The following DDX21 variants were observed in gnomAD, a reference collection of about 807,000 sequenced individuals.
DDX21 encodes the protein DExD-box helicase 21.
DDX21 carries 18 observed loss-of-function variants against 90.0 expected under a neutral mutation model. The observed-to-expected ratio is 0.20, with a 90% CI of 0.14 to 0.30. DDX21 has a LOEUF of 0.30. Among genes scored for constraint, DDX21 ranks in the 10% least tolerant of loss-of-function variants. The probability of loss-of-function intolerance (pLI) is 1.00; values close to 1 mark genes in which losing one functional copy is unlikely to be tolerated. For missense variants in DDX21, 673 were observed against 944.5 expected (o/e 0.71, Z 3.77); for synonymous variants, 294 against 318.0 (o/e 0.92, Z 0.80).
intron 11 of DDX21, among the ~76,000 whole-genome samples, chr10:68,974,968 A>T (rs182141908): frequency 3.9e-4 from 59 of 152,088 alleles, no homozygotes; most frequent in African/African-American, 1.3e-3. Context: ...TGCACAGCCT[A>T]TTCTTTTTAA....
chr10:68,977,395 TATA>T (rs370558669), intron 11 of DDX21, 131 bp from the exon 12 acceptor site: 69 of 790,062 alleles, frequency 8.7e-5, no homozygotes, highest in South Asian at 5.1e-4. Context: ...ATATGATTAT[TATA>T]TACTGCATCA....
At position 68,971,929 on chromosome 10, in the gene DDX21, A is replaced by T; in HGVS notation, c.1425A>T (p.Gln475His). The T allele has an allele frequency of 6.2e-7, 1 of 1,614,182 alleles. No homozygotes were observed. Among genetic ancestry groups the T allele is most frequent in the Non-Finnish European group, 8.5e-7 (1 of 1,180,026 alleles). The change falls in exon 9 of 15, where the codon CAA (glutamine) becomes CAT (histidine). Residue 475 changes from glutamine (Q) to histidine (H), a missense_variant. Transcript: ENST00000354185. The stretch of plus-strand genomic sequence containing the variant: ...TGCATGGAGACATTCCACAGAAGCA[A>T]AGGGAAATCACCCTGAAAGGTTTTA... ...QSLHGDIPQK[Q>H]REITLKGFRN...
rs763732983 is a variant in DDX21 at position 68,973,548 on chromosome 10, G to A, written c.1552G>A (p.Val518Ile). The A allele has an allele frequency of 2.2e-5, 35 of 1,614,058 alleles. No homozygotes were observed. The highest frequency in any genetic ancestry group is 3.0e-5 in the Non-Finnish European group (35 of 1,179,948). The change falls in exon 10 of 15, where the codon GTA becomes ATA. Residue 518 changes from valine to isoleucine, a missense_variant. Physicochemically the swap from Val to Ile is conservative, Grantham distance 29 (BLOSUM62 3). Coordinates refer to ENST00000354185, the MANE Select transcript of DDX21 (RefSeq NM_004728.4). The stretch of plus-strand genomic sequence containing the variant: ...CTCATGTATTTTACTTCAATAGGAT[G>A]TAGAGTCCTACATTCATCGATCCGG... The part of the protein sequence containing the change: ...LVIQSSPPKD[V>I]ESYIHRSGRT...
intron 1 of DDX21, among the ~76,000 whole-genome samples, chr10:68,957,334 G>A (rs1842812160): frequency 6.6e-6 from 1 of 151,346 alleles, no homozygotes; most frequent in South Asian, 2.1e-4. Flanking sequence ...GTGTGCAGTA[G>A]TTTTAACCTT....
At chr10:68,968,920 C>T in intron 6 of DDX21, 56 bp from the exon 7 acceptor site, 5 of 1,582,448 alleles carry the variant, frequency 3.2e-6, no homozygotes, top group Non-Finnish European at 4.3e-6. Flanking sequence ...AGGTGGAATA[C>T]TATGTAGGCT....
chr10:68,978,697 G>A, intron 12 of DDX21, 145 bp from the exon 13 acceptor site: 1 of 1,031,324 alleles, frequency 9.7e-7, no homozygotes, highest in Non-Finnish European at 1.4e-6. Context: ...GTAAAACGAG[G>A]GACTGTTCGT....
At chr10:68,976,427 A>G (rs1375974062) in intron 11 of DDX21, among the ~76,000 whole-genome samples, 1 of 151,866 alleles carries the variant, frequency 6.6e-6, no homozygotes, top group Non-Finnish European at 1.5e-5. Context: ...AGCTGGGACT[A>G]CAGGCACCTG....
Position 68,984,229 on chromosome 10 carries a change from A to G in DDX21, c.*1417A>G, listed in dbSNP as rs918740833. 3 of 152,190 alleles carry G rather than the reference A, an allele frequency of 2.0e-5. No homozygotes were observed. Among genetic ancestry groups the G allele is most frequent in the African/African-American group, 7.2e-5 (3 of 41,432 alleles). The allele number at this position is 152,190 out of a possible 1,614,324, so 9.4% of individuals were successfully genotyped here. On this transcript the variant is annotated 3_prime_UTR_variant, in exon 15 of 15. Transcript: ENST00000354185. ...GCATGGTCTGTCTTGTTTTCATTTA[A>G]TTATTGTGAATACCTAGAATCTTTC...
Position 68,967,034 on chromosome 10 carries a change from T to C in DDX21, c.921T>C (p.Asn307=). The change falls in exon 6 of 15, where the codon AAT becomes AAC. Residue 307 remains asparagine (N), a synonymous_variant. Coordinates refer to ENST00000354185, the MANE Select transcript of DDX21 (RefSeq NM_004728.4). ...PYGGQFERMR[N]GIDILVGTPG... is the part of the protein sequence containing the mutation. ...TTTTTATAGTTGAACGCATGAGGAA[T>C]GGGATTGATATCCTGGTTGGAACAC... is the stretch of plus-strand genomic sequence containing the variant. 6.2e-7 allele frequency: 1 copy of C among 1,610,226 alleles called. No individual in the cohort carries two copies. Among genetic ancestry groups the C allele is most frequent in the Non-Finnish European group, 8.5e-7 (1 of 1,178,228 alleles).
In DDX21 at chr10:68,977,650, A is replaced by C; in HGVS notation, c.1864A>C (p.Thr622Pro). Residue 622 changes from threonine to proline, a missense_variant, in exon 12 of 15, where the codon ACG becomes CCG. Coordinates refer to ENST00000354185, the MANE Select transcript of DDX21 (RefSeq NM_004728.4). ...AAALAHISGA[T>P]SVDQRSLINS... is the part of the protein sequence containing the mutation. ...AGCACTGGCCCATATTTCAGGTGCC[A>C]CGTCCGTAGACCAGCGCTCCTTGAT... The C allele has an allele frequency of 6.2e-7, 1 of 1,613,644 alleles. No homozygotes were observed. The highest frequency in any genetic ancestry group is 8.5e-7 in the Non-Finnish European group (1 of 1,179,618).
At chr10:68,964,621 C>T (rs192389980) in intron 4 of DDX21, among the ~76,000 whole-genome samples, 2 of 146,960 alleles carry the variant, frequency 1.4e-5, no homozygotes, top group African/African-American at 5.0e-5. Flanking sequence ...CTCAGCCTCC[C>T]AAAGTGCTGG....
rs774861803 is a variant in DDX21 at position 68,971,859 on chromosome 10, T to C, written c.1387-32T>C. 3 of 1,603,354 alleles carry C rather than the reference T, an allele frequency of 1.9e-6. No individual in the cohort carries two copies. The African/African-American group carries it at 4.0e-5, about 21-fold the overall frequency. On this transcript the variant is annotated intron_variant, in intron 8 of 14. Transcript: ENST00000354185. Reference sequence around the variant, plus strand: ...GAAAAAGTACTTGTATTGTTGGAACTGGTGTTCTTACATCCGTTTATTTAT... The same window carrying C: ...GAAAAAGTACTTGTATTGTTGGAACCGGTGTTCTTACATCCGTTTATTTAT...
intron 8 of DDX21, among the ~76,000 whole-genome samples, chr10:68,970,954 A>AAT (rs1843017249): frequency 1.1e-5 from 1 of 87,986 alleles, no homozygotes; most frequent in Non-Finnish European, 2.3e-5. Context: ...CGCCCAGCCT[A>AAT]ATTTTTTTTT....
chr10:68,972,828 G>T (rs145988716), intron 9 of DDX21, among the ~76,000 whole-genome samples: 1 of 152,042 alleles, frequency 6.6e-6, no homozygotes, highest in African/African-American at 2.4e-5. Flanking sequence ...GAAGACTTAC[G>T]AAAAAATACA....
intron 9 of DDX21, among the ~76,000 whole-genome samples, chr10:68,972,472 T>G (rs934432794): frequency 6.6e-6 from 1 of 152,240 alleles, no homozygotes; most frequent in Non-Finnish European, 1.5e-5. Context: ...AATCATAGTT[T>G]ACTTGATGTG....
At position 68,956,238 on chromosome 10, in the gene DDX21, C is replaced by G. The variant is rs1842791153; in HGVS notation, c.13C>G (p.Leu5Val). Residue 5 changes from leucine to valine, a missense_variant, in exon 1 of 15, where the codon CTC (leucine) becomes GTC (valine). Transcript: ENST00000354185. The part of the protein sequence containing the change: MPGK[L>V]RSDAGLESDT... ...ACCTGCGCTGAAGATGCCGGGAAAACTCCGTAGTGACGCTGGTTTGGAATC... is the reference window on the plus strand; with the variant it reads ...ACCTGCGCTGAAGATGCCGGGAAAAGTCCGTAGTGACGCTGGTTTGGAATC... 6.2e-7 allele frequency: 1 copy of G among 1,613,988 alleles called. No individual in the cohort carries two copies. Among genetic ancestry groups the G allele is most frequent in the Non-Finnish European group, 8.5e-7 (1 of 1,180,006 alleles).
At position 68,982,866 on chromosome 10, in the gene DDX21, A is replaced by G; in HGVS notation, c.*54A>G. 1.3e-6 allele frequency: 2 copies of G among 1,588,002 alleles called. No homozygotes were observed. Among genetic ancestry groups the G allele is most frequent in the Non-Finnish European group, 1.7e-6 (2 of 1,165,042 alleles). ...AGAGAATGATGTTTGGCAATATAGAACTGAACATTATTTTTCATGCAAAGT... is the reference window on the plus strand; with the variant it reads ...AGAGAATGATGTTTGGCAATATAGAGCTGAACATTATTTTTCATGCAAAGT... On this transcript the variant is annotated 3_prime_UTR_variant, in exon 15 of 15. Coordinates refer to ENST00000354185, the MANE Select transcript of DDX21 (RefSeq NM_004728.4).
chr10:68,982,403 G>A, intron 14 of DDX21, 140 bp from the exon 15 acceptor site: 1 of 1,224,084 alleles, frequency 8.2e-7, no homozygotes, highest in Non-Finnish European at 1.1e-6. Flanking sequence ...GGTGGCCAGT[G>A]TTATTTTTGA....
Position 68,982,660 on chromosome 10 carries a change from T to C in DDX21, c.2200T>C (p.Phe734Leu). 1.9e-6 allele frequency: 3 copies of C among 1,613,612 alleles called. No individual in the cohort carries two copies. Among genetic ancestry groups the C allele is most frequent in the Non-Finnish European group, 2.5e-6 (3 of 1,179,884 alleles). Residue 734 changes from phenylalanine to leucine, a missense_variant, in exon 15 of 15, where the codon TTC (phenylalanine) becomes CTC (leucine). Phe to Leu is a conservative substitution (Grantham distance 22). This residue lies in a region of DDX21 where 225 missense variants were observed against 298.8 expected (regional missense o/e 0.75). Coordinates refer to ENST00000354185, the MANE Select transcript of DDX21 (RefSeq NM_004728.4). The part of the protein sequence containing the change: ...FRGQREGSRG[F>L]RGQRDGNRRF... ...GGGACAGCGGGAAGGCAGTCGAGGC[T>C]TCAGGGGACAGCGGGACGGAAACAG...
Sources: allele counts gnomAD v4.1 joint callset (sites outside exome capture counted in the v4.1 genomes callset), GRCh38; gene constraint gnomAD v4.1.1; regional missense constraint gnomAD v4.1.1; transcripts MANE v1.5; gene names NCBI Gene and HGNC (gene_info 2026-07-23, HGNC 2026-07-21).